Variants in USH2A observed in about 807,000 individuals in gnomAD.
The protein encoded by USH2A is usherin, also known as Usher syndrome 2A (autosomal recessive, mild).
In USH2A, 443 loss-of-function variants were observed where a neutral mutation model predicts 538.9. The observed-to-expected ratio is 0.82, with a 90% confidence interval of 0.76 to 0.89. The LOEUF (loss-of-function observed/expected upper bound fraction) is 0.89. Among genes scored for constraint, USH2A ranks in the 40% least tolerant of loss-of-function variants. The pLI, the probability that USH2A is intolerant of heterozygous loss-of-function variation, is 0.00. For synonymous variants in USH2A, 2,413 were observed against 2,273.5 expected, an observed-to-expected ratio of 1.06 and a Z score of -1.75; for missense variants, 6,633 against 6,324.8, an observed-to-expected ratio of 1.05 and a Z score of -1.65.
intron 32 of USH2A, among the ~76,000 whole-genome samples, chr1:216,021,365 T>C (rs1224949665): frequency 6.6e-6 from 1 of 152,154 alleles, no homozygotes; most frequent in Non-Finnish European, 1.5e-5. Flanking sequence ...GACCATTTTA[T>C]AAGAGGTTTC....
chr1:216,016,587 TGA>T (rs1668717208), intron 32 of USH2A, among the ~76,000 whole-genome samples: 1 of 152,184 alleles, frequency 6.6e-6, no homozygotes, highest in Non-Finnish European at 1.5e-5. Context: ...TGTACTCTAC[TGA>T]GTTGCCCTTT....
Position 215,728,044 on chromosome 1 carries a change from C to T in USH2A, c.12052G>A (p.Ala4018Thr), listed in dbSNP as rs1334671479. 5 of 1,614,042 alleles carry T rather than the reference C, an allele frequency of 3.1e-6. No individual in the cohort carries two copies. The Middle Eastern group carries it at 4.9e-4, about 159-fold the overall frequency. ...DPTFNSPTVH[A>T]FTVKGTSHQA... ...AAGGGTCTTACCTTCACTGTGAAAGCATGCACGGTAGGGCTGTTAAATGTA... is the reference window on the plus strand; with the variant it reads ...AAGGGTCTTACCTTCACTGTGAAAGTATGCACGGTAGGGCTGTTAAATGTA... Residue 4018 changes from alanine (A) to threonine (T), a missense_variant, in exon 61 of 72, where the codon GCT (alanine) becomes ACT (threonine). Coordinates refer to ENST00000307340, the MANE Select transcript of USH2A (RefSeq NM_206933.4).
chr1:216,016,969 A>G (rs925908785), intron 32 of USH2A, among the ~76,000 whole-genome samples: 5 of 152,062 alleles, frequency 3.3e-5, no homozygotes, highest in African/African-American at 1.2e-4. Flanking sequence ...GGCTGGTTAG[A>G]ATAAAAAGGC....
At chr1:216,236,623 G>A (rs1394122278) in intron 13 of USH2A, among the ~76,000 whole-genome samples, 1 of 152,114 alleles carries the variant, frequency 6.6e-6, no homozygotes, top group Non-Finnish European at 1.5e-5. Flanking sequence ...CACTGAAAAG[G>A]AAAATGGTAA....
chr1:215,874,699 C>T (rs193082566), intron 43 of USH2A, among the ~76,000 whole-genome samples: 122 of 152,104 alleles, frequency 8.0e-4, no homozygotes, highest in Non-Finnish European at 1.4e-3. Flanking sequence ...AGGAGAAGTG[C>T]CATTTAAAAG....
At chr1:215,655,195 T>C (rs1657202833) in intron 64 of USH2A, among the ~76,000 whole-genome samples, 1 of 152,240 alleles carries the variant, frequency 6.6e-6, no homozygotes, top group Admixed American at 6.5e-5. Context: ...GCCTATTCTT[T>C]ATAGAGCCAG....
intron 21 of USH2A, among the ~76,000 whole-genome samples, chr1:216,138,501 G>A (rs931911769): frequency 1.3e-5 from 2 of 152,120 alleles, no homozygotes; most frequent in African/African-American, 4.8e-5. Flanking sequence ...CTTCCCTGAG[G>A]CCACAGGAGA....
At chr1:216,189,099 T>C (rs1306680772) in intron 20 of USH2A, among the ~76,000 whole-genome samples, 2 of 151,992 alleles carry the variant, frequency 1.3e-5, no homozygotes, top group Non-Finnish European at 2.9e-5. Context: ...AATGTATTCA[T>C]GCATCTGAAA....
chr1:215,905,426 T>C (rs1195458832), intron 38 of USH2A, among the ~76,000 whole-genome samples: 4 of 152,068 alleles, frequency 2.6e-5, no homozygotes, highest in African/African-American at 9.7e-5. Flanking sequence ...TGAATACCAC[T>C]CTGCACAAGG....
chr1:216,198,676 G>T, intron 17 of USH2A, 92 bp from the exon 18 acceptor site: 2 of 1,129,132 alleles, frequency 1.8e-6, no homozygotes, highest in Non-Finnish European at 2.6e-6. Flanking sequence ...AAGAGTGCTG[G>T]ATATTCATTG....
At chr1:216,072,717 T>A (rs2031596147) in intron 29 of USH2A, 172 bp downstream of exon 29, 1 of 668,730 alleles carries the variant, frequency 1.5e-6, no homozygotes, top group Non-Finnish European at 2.7e-6. Flanking sequence ...TGAAAAGCAC[T>A]GATCTACTAA....
At chr1:216,342,079 AT>A (rs1373334731) in intron 4 of USH2A, among the ~76,000 whole-genome samples, 6 of 152,140 alleles carry the variant, frequency 3.9e-5, no homozygotes, top group African/African-American at 1.4e-4. Flanking sequence ...ATGGGAGAAA[AT>A]TTTCGCAACC....
chr1:216,001,335 C>G (rs944812630), intron 32 of USH2A, among the ~76,000 whole-genome samples: 1 of 152,064 alleles, frequency 6.6e-6, no homozygotes, highest in Non-Finnish European at 1.5e-5. Context: ...ATGAAACGAG[C>G]TAGGTCTGAA....
At chr1:216,364,878 T>C in intron 4 of USH2A, 75 bp downstream of exon 4, 1 of 1,577,162 alleles carries the variant, frequency 6.3e-7, no homozygotes, top group Non-Finnish European at 8.7e-7. Context: ...TATTTTAAAA[T>C]ATTATTTGTT....
intron 61 of USH2A, among the ~76,000 whole-genome samples, chr1:215,703,106 C>T (rs935222030): frequency 9.9e-5 from 15 of 152,186 alleles, no homozygotes; most frequent in Admixed American, 7.9e-4. Flanking sequence ...TGGAGGTCCA[C>T]TCCAGACCCT....
At position 216,207,154 on chromosome 1, in the gene USH2A, T is replaced by C. The variant is rs997240173; in HGVS notation, c.3316+119A>G. On this transcript the variant is annotated intron_variant, in intron 16 of 71. Transcript: ENST00000307340. ...TGAAATTTGTAATTTTATCTCTGTT[T>C]GAAACACTCTGTGCCAGACAGAGGA... 4.6e-5 allele frequency: 58 copies of C among 1,249,458 alleles called. No homozygotes were observed. The African/African-American group carries it at 7.4e-4, about 16-fold the overall frequency. The allele number at this position is 1,249,458 out of a possible 1,614,324, so 77.4% of individuals were successfully genotyped here. A position where few individuals can be genotyped will look rare whatever the true frequency, so the allele number is the denominator to read the frequency against.
chr1:215,762,594 G>A (rs746512831), intron 56 of USH2A, among the ~76,000 whole-genome samples: 2 of 152,114 alleles, frequency 1.3e-5, no homozygotes, highest in Non-Finnish European at 2.9e-5. Context: ...TTACTTGGAT[G>A]GTGATATGGG....
chr1:215,846,682 T>C (rs983410394), intron 44 of USH2A, among the ~76,000 whole-genome samples: 2 of 152,130 alleles, frequency 1.3e-5, no homozygotes, highest in African/African-American at 2.4e-5. Flanking sequence ...ATATAACACT[T>C]ATGAAAGGAA....
intron 10 of USH2A, among the ~76,000 whole-genome samples, chr1:216,290,701 T>G (rs2036984777): frequency 6.6e-6 from 1 of 152,198 alleles, no homozygotes; most frequent in African/African-American, 2.4e-5. Context: ...TGTTTCCAAC[T>G]GCCCCCAGGA....
Sources: gnomAD v4.1 joint callset for allele counts (sites outside exome capture counted in the v4.1 genomes callset) on GRCh38, gnomAD v4.1.1 for gene constraint, MANE v1.5 for transcripts, NCBI Gene and HGNC (gene_info 2026-07-23, HGNC 2026-07-21) for gene names.